Variants in UBE3A observed in about 807,000 individuals in gnomAD.
The protein encoded by UBE3A is ubiquitin-protein ligase E3A.
A neutral mutation model predicts 83.4 loss-of-function variants in UBE3A; 6 were observed. The ratio of observed to expected loss-of-function variants is 0.07; its 90% CI spans 0.04 to 0.14. The LOEUF (loss-of-function observed/expected upper bound fraction) is 0.14. Ranked by LOEUF, UBE3A falls within the 10% of genes least tolerant of loss-of-function variation. The pLI is 1.00. For missense variants in UBE3A, 456 were observed against 1,036.1 expected, an observed-to-expected ratio of 0.44 and a Z score of 7.69; for synonymous variants, 337 against 355.4, an observed-to-expected ratio of 0.95 and a Z score of 0.58.
At chr15:25,406,698 A>G (rs1267364201) in intron 3 of UBE3A, among the ~76,000 whole-genome samples, 2 of 151,296 alleles carry the variant, frequency 1.3e-5, no homozygotes, top group East Asian at 1.9e-4. Flanking sequence ...TCACACACAC[A>G]CACACACACA....
chr15:25,398,416 T>G (rs2086112051), intron 4 of UBE3A, among the ~76,000 whole-genome samples: 1 of 152,058 alleles, frequency 6.6e-6, no homozygotes, highest in South Asian at 2.1e-4. Context: ...AAATTCCTCT[T>G]AATTGAAATT....
At chr15:25,352,906 A>AAGAT (rs1223545885) in intron 11 of UBE3A, among the ~76,000 whole-genome samples, 2 of 152,236 alleles carry the variant, frequency 1.3e-5, no homozygotes, top group East Asian at 3.8e-4. Context: ...AAATGATCTT[A>AAGAT]AGATACATAC....
At chr15:25,429,603 C>T (rs1283572575) in intron 1 of UBE3A, among the ~76,000 whole-genome samples, 1 of 152,050 alleles carries the variant, frequency 6.6e-6, no homozygotes, top group African/African-American at 2.4e-5. Flanking sequence ...AATCCCAGCA[C>T]TTTGGGACGC....
chr15:25,369,884 CTCAA>C (rs1368751282), intron 6 of UBE3A, among the ~76,000 whole-genome samples: 1 of 152,190 alleles, frequency 6.6e-6, no homozygotes, highest in Non-Finnish European at 1.5e-5. Flanking sequence ...TATTTCCCTG[CTCAA>C]TCTCCCTGGA....
chr15:25,362,531 T>C (rs963764531), intron 6 of UBE3A, among the ~76,000 whole-genome samples: 20 of 152,200 alleles, frequency 1.3e-4, no homozygotes, highest in African/African-American at 4.8e-4. Flanking sequence ...CCTTTTAAAA[T>C]AGTTTTGCTC....
At chr15:25,369,841 C>T (rs980287406) in intron 6 of UBE3A, among the ~76,000 whole-genome samples, 1 of 152,134 alleles carries the variant, frequency 6.6e-6, no homozygotes, top group African/African-American at 2.4e-5. Context: ...ATCTGGAAAA[C>T]CAGGAAGTTA....
Position 25,337,438 on chromosome 15 carries a change from C to CT in UBE3A, c.*1698dup, listed in dbSNP as rs757973518. On this transcript the variant is annotated 3_prime_UTR_variant, in exon 13 of 13. Coordinates refer to ENST00000648336, the MANE Select transcript of UBE3A (RefSeq NM_130839.5). ...CTGGCCCAGAAAAACCCCATGTTAC[C>CT]TTATCACAATATGGAAAGCATTGTC... 2 of 152,050 alleles carry CT rather than the reference C, an allele frequency of 1.3e-5. No individual in the cohort carries two copies. The highest frequency in any genetic ancestry group is 2.4e-5 in the African/African-American group (1 of 41,402). The allele number at this position is 152,050 out of a possible 1,614,324, so 9.4% of individuals were successfully genotyped here. A position where few individuals can be genotyped will look rare whatever the true frequency, so the allele number is the denominator to read the frequency against.
At chr15:25,341,074 A>T (rs866995378) in intron 11 of UBE3A, among the ~76,000 whole-genome samples, 12 of 148,134 alleles carry the variant, frequency 8.1e-5, no homozygotes, top group Admixed American at 1.3e-4. Context: ...AGCTAAATAA[A>T]TTTTTTTTTT....
At position 25,371,421 on chromosome 15, in the gene UBE3A, A is replaced by G. The variant is rs1391322094; in HGVS notation, c.753T>C (p.Thr251=). Residue 251 remains threonine, a synonymous_variant, in exon 6 of 13, where the codon ACT becomes ACC. Transcript: ENST00000648336. This position sits in a 1 kb window ranked among gnomAD's most constrained non-coding sequence, Gnocchi z 5.3. The stretch of plus-strand genomic sequence containing the variant: ...AATATACAAGTGCATTGAGAAAGGC[A>G]GTTTCAATTTTTTCATTAGAGAGCA... ...TRLLSNEKIE[T]AFLNALVYLS... The G allele has an allele frequency of 6.2e-7, 1 of 1,614,168 alleles. No homozygotes were observed. Among genetic ancestry groups the G allele is most frequent in the East Asian group, 2.2e-5 (1 of 44,880 alleles).
chr15:25,401,265 T>G (rs1311045999), intron 4 of UBE3A, among the ~76,000 whole-genome samples: 1 of 152,192 alleles, frequency 6.6e-6, no homozygotes, highest in Non-Finnish European at 1.5e-5. Flanking sequence ...TGTAATTTTC[T>G]TTTCCTGGAG....
intron 1 of UBE3A, chr15:25,418,744 T>C (rs1201370438): frequency 6.6e-6 from 1 of 152,122 alleles, no homozygotes; most frequent in African/African-American, 2.4e-5. Flanking sequence ...ATAGAAGCCA[T>C]TCCACATGCT....
At chr15:25,373,987 A>G (rs897150511) in intron 5 of UBE3A, 2 of 152,202 alleles carry the variant, frequency 1.3e-5, no homozygotes, top group Non-Finnish European at 2.9e-5. Context: ...CTCCTACGCA[A>G]AAACAGTTTG....
At chr15:25,434,985 C>T (rs866704631) in intron 1 of UBE3A, among the ~76,000 whole-genome samples, 2,357 of 149,224 alleles carry the variant, frequency 0.016, 45 homozygotes, top group Middle Eastern at 0.063. Flanking sequence ...CACACACACA[C>T]ACACACACAC....
intron 5 of UBE3A, chr15:25,374,697 T>C (rs1481564046): frequency 6.6e-6 from 1 of 151,976 alleles, no homozygotes; most frequent in Non-Finnish European, 1.5e-5. Context: ...CTCTGACTTG[T>C]ATGTCATAAA....
intron 8 of UBE3A, 85 bp from the exon 9 acceptor site, chr15:25,356,141 CAAA>C: frequency 6.6e-7 from 1 of 1,505,782 alleles, no homozygotes; most frequent in Non-Finnish European, 9.2e-7. Context: ...TAGAAGACAA[CAAA>C]AATCTTATCA....
chr15:25,414,843 A>G (rs901581450), intron 1 of UBE3A, among the ~76,000 whole-genome samples: 2 of 152,200 alleles, frequency 1.3e-5, no homozygotes, highest in Admixed American at 6.5e-5. Flanking sequence ...GAGATTCTAC[A>G]CAATTTGGTC....
At chr15:25,395,061 T>G (rs1002810599) in intron 4 of UBE3A, among the ~76,000 whole-genome samples, 1 of 152,194 alleles carries the variant, frequency 6.6e-6, no homozygotes, top group African/African-American at 2.4e-5. Flanking sequence ...GAGAGCTCTC[T>G]GAATCAAGTG....
chr15:25,369,680 T>TA (rs1228011317), intron 6 of UBE3A, among the ~76,000 whole-genome samples: 1 of 152,134 alleles, frequency 6.6e-6, no homozygotes, highest in Non-Finnish European at 1.5e-5. Context: ...AGAAATACAA[T>TA]AAAGCTCTGC....
chr15:25,349,996 T>C (rs2076259230), intron 11 of UBE3A, among the ~76,000 whole-genome samples: 1 of 152,198 alleles, frequency 6.6e-6, no homozygotes, highest in Non-Finnish European at 1.5e-5. Context: ...CTGGGTGCAG[T>C]GGCTCACGCC....
Sources: allele counts gnomAD v4.1 joint callset (sites outside exome capture counted in the v4.1 genomes callset), GRCh38; gene constraint gnomAD v4.1.1; non-coding constraint Gnocchi (gnomAD v3.1); transcripts MANE v1.5; gene names NCBI Gene and HGNC (gene_info 2026-07-23, HGNC 2026-07-21).